The following DPP10 variants were observed in gnomAD, a reference collection of about 807,000 sequenced individuals.
DPP10 encodes dipeptidyl peptidase like 10, also known as inactive dipeptidyl peptidase 10.
Under a neutral mutation model 120.9 loss-of-function variants are expected in DPP10, and 33 were observed. That is an observed-to-expected ratio of 0.27 (90% CI 0.21 to 0.37). The LOEUF is 0.37. Among genes scored for constraint, DPP10 ranks in the 10% least tolerant of loss-of-function variants. DPP10 has a pLI of 1.00. For synonymous variants in DPP10, 337 were observed against 326.1 expected, an observed-to-expected ratio of 1.03 and a Z score of -0.36; for missense variants, 816 against 942.8, an observed-to-expected ratio of 0.87 and a Z score of 1.76.
At chr2:115,553,662 A>G (rs541402036) in intron 5 of DPP10, among the ~76,000 whole-genome samples, 1 of 152,158 alleles carries the variant, frequency 6.6e-6, no homozygotes, top group Admixed American at 6.6e-5. Flanking sequence ...TTTACTGAAC[A>G]AATGGCATAT....
intron 1 of DPP10, among the ~76,000 whole-genome samples, chr2:115,264,453 T>C (rs2105771966): frequency 1.3e-5 from 2 of 152,312 alleles, no homozygotes; most frequent in Non-Finnish European, 2.9e-5. Context: ...CATGTGCATC[T>C]ACATCCTGGT....
intron 3 of DPP10, among the ~76,000 whole-genome samples, chr2:115,486,135 T>A (rs2105309537): frequency 6.6e-6 from 1 of 152,226 alleles, no homozygotes; most frequent in Middle Eastern, 3.4e-3. Flanking sequence ...AATCGGAAAA[T>A]ATAAAAAATT....
intron 11 of DPP10, among the ~76,000 whole-genome samples, chr2:115,756,123 A>C (rs1900280): frequency 0.97 from 147,183 of 151,990 alleles, 71,462 homozygotes; most frequent in East Asian, 1. Flanking sequence ...TATCTGGGGG[A>C]TAAAAGAAAT....
chr2:115,505,678 C>A, intron 4 of DPP10, among the ~76,000 whole-genome samples: 1 of 152,000 alleles, frequency 6.6e-6, no homozygotes, highest in African/African-American at 2.4e-5. Flanking sequence ...TTGCTGTCTC[C>A]CAGTCATAGA....
chr2:114,881,590 G>GTCTATCTA (rs1271235497), intron 1 of DPP10, among the ~76,000 whole-genome samples: 1 of 129,624 alleles, frequency 7.7e-6, no homozygotes, highest in African/African-American at 2.7e-5. Flanking sequence ...CTGTCTGTCT[G>GTCTATCTA]TCTGTCTGTC....
At chr2:115,671,222 T>C (rs1460431093) in intron 5 of DPP10, among the ~76,000 whole-genome samples, 1 of 151,992 alleles carries the variant, frequency 6.6e-6, no homozygotes, top group Non-Finnish European at 1.5e-5. Context: ...ACTGGGTAAA[T>C]GAGTAAGAAA....
intron 5 of DPP10, among the ~76,000 whole-genome samples, chr2:115,599,807 G>A (rs1280113260): frequency 6.6e-6 from 1 of 152,064 alleles, no homozygotes; most frequent in Non-Finnish European, 1.5e-5. Context: ...ATTTTGGCAG[G>A]CAATTTACTT....
chr2:115,691,627 A>G (rs1273860910), intron 7 of DPP10, among the ~76,000 whole-genome samples: 3 of 152,104 alleles, frequency 2.0e-5, no homozygotes, highest in Non-Finnish European at 4.4e-5. Flanking sequence ...CTGACAAGGC[A>G]GTTTCATATG....
At position 114,702,984 on chromosome 2, in the gene DPP10, C is replaced by T. The variant is rs150290978; in HGVS notation, c.60+260146C>T. Among the ~76,000 whole-genome samples the T allele has an allele frequency of 5.4e-3, 822 of 152,182 alleles. 8 individuals are homozygous for T. Among genetic ancestry groups the T allele is most frequent in the African/African-American group, 0.019 (774 of 41,530 alleles). On this transcript the variant is annotated intron_variant, in intron 1 of 25. Coordinates refer to ENST00000410059, the MANE Select transcript of DPP10 (RefSeq NM_020868.6). ...ATCTTGAACCTACATCCAAATACCTCTGTATTAGGGTGAGCAGGGTGGGAA... is the reference window on the plus strand; with the variant it reads ...ATCTTGAACCTACATCCAAATACCTTTGTATTAGGGTGAGCAGGGTGGGAA...
intron 5 of DPP10, among the ~76,000 whole-genome samples, chr2:115,653,699 A>T (rs1558983154): frequency 6.6e-6 from 1 of 151,874 alleles, no homozygotes; most frequent in Non-Finnish European, 1.5e-5. Context: ...CAACTAGTGA[A>T]TCCTCTTCCC....
intron 1 of DPP10, among the ~76,000 whole-genome samples, chr2:114,961,242 C>T (rs1313311582): frequency 2.6e-5 from 4 of 151,744 alleles, no homozygotes; most frequent in Non-Finnish European, 5.9e-5. Flanking sequence ...TTAGTAGAGA[C>T]GAGGTTTCTC....
intron 1 of DPP10, among the ~76,000 whole-genome samples, chr2:114,747,361 A>G (rs1678673573): frequency 6.6e-6 from 1 of 152,130 alleles, no homozygotes; most frequent in African/African-American, 2.4e-5. Context: ...TCCTTTATTT[A>G]AGGGCCGTTG....
chr2:115,464,029 G>A (rs138059720), intron 3 of DPP10, among the ~76,000 whole-genome samples: 4 of 152,126 alleles, frequency 2.6e-5, no homozygotes, highest in African/African-American at 9.6e-5. Context: ...CAAGCTCTTC[G>A]TGGCTCATGA....
intron 1 of DPP10, among the ~76,000 whole-genome samples, chr2:114,960,481 C>T (rs1438227263): frequency 6.6e-6 from 1 of 151,658 alleles, no homozygotes; most frequent in Non-Finnish European, 1.5e-5. Flanking sequence ...TATTTTTACA[C>T]CTGTTAATTT....
chr2:114,882,971 A>G (rs1170888792), intron 1 of DPP10, among the ~76,000 whole-genome samples: 2 of 152,212 alleles, frequency 1.3e-5, no homozygotes, highest in African/African-American at 4.8e-5. Flanking sequence ...TCAGTTGTAA[A>G]ATGTCAAATT....
chr2:114,730,818 G>T (rs889886420), intron 1 of DPP10, among the ~76,000 whole-genome samples: 1 of 151,876 alleles, frequency 6.6e-6, no homozygotes, highest in Admixed American at 6.6e-5. Context: ...TTGAGCTCCT[G>T]ATCTCAGGCA....
rs2065967357 is a variant in DPP10 at position 115,378,178 on chromosome 2, C to G, written c.271+34266C>G. 2.6e-5 allele frequency among the ~76,000 whole-genome samples: 4 copies of G among 152,240 alleles called. No individual in the cohort carries two copies. The South Asian group carries it at 8.3e-4, about 32-fold the overall frequency. On this transcript the variant is annotated intron_variant, in intron 3 of 25. Transcript: ENST00000410059. ...ATTTTCACGCTATTGATTCTTCCTA[C>G]CCATGAGCATGGAATGTCCTTCCAT...
chr2:115,405,874 C>T (rs1559553788), intron 3 of DPP10, among the ~76,000 whole-genome samples: 2 of 152,130 alleles, frequency 1.3e-5, no homozygotes, highest in East Asian at 3.9e-4. Context: ...CCTTGGAGAC[C>T]TCTGGGCCTA....
chr2:115,761,019 C>G (rs1575703853), intron 11 of DPP10, among the ~76,000 whole-genome samples: 1 of 148,964 alleles, frequency 6.7e-6, no homozygotes, highest in African/African-American at 2.5e-5. Flanking sequence ...ATTGCTTGAA[C>G]TTGGGAGGCA....
Sources: gnomAD v4.1 joint callset for allele counts (sites outside exome capture counted in the v4.1 genomes callset) on GRCh38, gnomAD v4.1.1 for gene constraint, MANE v1.5 for transcripts, NCBI Gene and HGNC (gene_info 2026-07-23, HGNC 2026-07-21) for gene names.